HS2ST1: variants seen among roughly 807,000 people sequenced by gnomAD.
The protein encoded by HS2ST1 is heparan sulfate 2-O-sulfotransferase 1, also known as 2-O-sulfotransferase.
A neutral mutation model predicts 42.9 loss-of-function variants in HS2ST1; 18 were observed. The ratio of observed to expected loss-of-function variants is 0.42; its 90% confidence interval spans 0.29 to 0.62. The LOEUF is 0.62. Among genes scored for constraint, HS2ST1 ranks in the 20% least tolerant of loss-of-function variants. HS2ST1 has a pLI of 0.21. For missense variants in HS2ST1, 334 were observed against 433.8 expected (o/e 0.77, Z 2.04); for synonymous variants, 146 against 152.9 (o/e 0.95, Z 0.33).
At chr1:86,965,535 A>G (rs1197014766) in intron 1 of HS2ST1, among the ~76,000 whole-genome samples, 2 of 152,086 alleles carry the variant, frequency 1.3e-5, no homozygotes, top group African/African-American at 4.8e-5. Flanking sequence ...GTGGTTCTCA[A>G]GCCTGGCTGC....
chr1:87,044,998 T>C, intron 1 of HS2ST1: 1 of 1,577,602 alleles, frequency 6.3e-7, no homozygotes, highest in South Asian at 1.1e-5. Flanking sequence ...GCACTGAGAT[T>C]CTCTTTCTCG....
At chr1:87,097,265 A>G (rs1252381636) in intron 4 of HS2ST1, among the ~76,000 whole-genome samples, 1 of 152,236 alleles carries the variant, frequency 6.6e-6, no homozygotes, top group East Asian at 1.9e-4. Context: ...CACATAACAC[A>G]TTTAAAAAGC....
At chr1:86,948,125 CA>C (rs11327026) in intron 1 of HS2ST1, among the ~76,000 whole-genome samples, 45,587 of 146,892 alleles carry the variant, frequency 0.31, 9,110 homozygotes, top group African/African-American at 0.58. Context: ...GCTCCAGAAA[CA>C]AAAAAAAAAC....
intron 1 of HS2ST1, among the ~76,000 whole-genome samples, chr1:86,988,842 A>C (rs1648864265): frequency 6.6e-6 from 1 of 152,266 alleles, no homozygotes; most frequent in Non-Finnish European, 1.5e-5. Flanking sequence ...TTGGCTAATC[A>C]AATTAATGAT....
At chr1:87,027,711 A>G (rs958233657) in intron 1 of HS2ST1, among the ~76,000 whole-genome samples, 1 of 152,058 alleles carries the variant, frequency 6.6e-6, no homozygotes, top group African/African-American at 2.4e-5. Flanking sequence ...TTTTTTTGAG[A>G]CAGGGTCTCA....
chr1:87,080,584 C>CA (rs545515429), intron 2 of HS2ST1, among the ~76,000 whole-genome samples: 35 of 152,162 alleles, frequency 2.3e-4, no homozygotes, highest in Middle Eastern at 3.4e-3. Context: ...ACTATCCACA[C>CA]AAAAAAGCAC....
intron 1 of HS2ST1, among the ~76,000 whole-genome samples, chr1:87,052,029 A>G (rs1250873736): frequency 6.6e-6 from 1 of 152,130 alleles, no homozygotes; most frequent in African/African-American, 2.4e-5. Context: ...GAGGTGGGCT[A>G]ATCGCTTGAG....
chr1:86,985,457 CATATATACACATATATACACAT>C (rs1557504852), intron 1 of HS2ST1, among the ~76,000 whole-genome samples: 3 of 103,092 alleles, frequency 2.9e-5, no homozygotes, highest in African/African-American at 1.1e-4. Context: ...TATATACACA[CATATATACACATATATACACAT>C]ATATACACAT....
intron 1 of HS2ST1, among the ~76,000 whole-genome samples, chr1:86,935,704 T>A (rs1445239798): frequency 6.6e-6 from 1 of 152,098 alleles, no homozygotes; most frequent in Non-Finnish European, 1.5e-5. Flanking sequence ...CCTCAAGTGA[T>A]CTGCGCACCT....
intron 1 of HS2ST1, among the ~76,000 whole-genome samples, chr1:87,002,361 G>C (rs1185087230): frequency 6.6e-6 from 1 of 152,146 alleles, no homozygotes; most frequent in Non-Finnish European, 1.5e-5. Flanking sequence ...GGGAGGCCAA[G>C]GCTTGCAGAT....
At chr1:86,955,929 A>T (rs1015013223) in intron 1 of HS2ST1, among the ~76,000 whole-genome samples, 5 of 152,248 alleles carry the variant, frequency 3.3e-5, no homozygotes, top group African/African-American at 1.2e-4. Flanking sequence ...GTGGAGGTTG[A>T]ACTGAGCTGT....
intron 1 of HS2ST1, among the ~76,000 whole-genome samples, chr1:87,057,129 T>G (rs1041599018): frequency 6.6e-6 from 1 of 152,258 alleles, no homozygotes; most frequent in African/African-American, 2.4e-5. Context: ...TAAATTTTTT[T>G]GCTTTTGGAA....
At chr1:87,005,725 A>C (rs915788223) in intron 1 of HS2ST1, among the ~76,000 whole-genome samples, 2 of 152,218 alleles carry the variant, frequency 1.3e-5, no homozygotes, top group African/African-American at 4.8e-5. Context: ...AATTATAATT[A>C]CATAGTGAAA....
chr1:86,925,722 A>C (rs1370048550), intron 1 of HS2ST1, among the ~76,000 whole-genome samples: 1 of 152,228 alleles, frequency 6.6e-6, no homozygotes, highest in African/African-American at 2.4e-5. Flanking sequence ...TGAATTCAAC[A>C]TGAGATTTGG....
chr1:86,982,660 G>A (rs1473322488), intron 1 of HS2ST1, among the ~76,000 whole-genome samples: 1 of 151,938 alleles, frequency 6.6e-6, no homozygotes. Flanking sequence ...GACTACAAGC[G>A]CCCACCACCA....
intron 1 of HS2ST1, among the ~76,000 whole-genome samples, chr1:86,987,878 G>C (rs924548431): frequency 2.6e-5 from 4 of 152,178 alleles, no homozygotes; most frequent in Admixed American, 2.6e-4. Context: ...ACTGACACCA[G>C]ATATTGTAAG....
intron 1 of HS2ST1, among the ~76,000 whole-genome samples, chr1:87,040,025 A>G (rs1650480289): frequency 6.6e-6 from 1 of 152,218 alleles, no homozygotes; most frequent in Admixed American, 6.5e-5. Context: ...ATTAGAAAAG[A>G]AGATTAAGAA....
At chr1:86,931,687 G>A (rs1484196597) in intron 1 of HS2ST1, among the ~76,000 whole-genome samples, 1 of 152,040 alleles carries the variant, frequency 6.6e-6, no homozygotes, top group African/African-American at 2.4e-5. Context: ...GGCTTTGATT[G>A]TAAGTTCAAG....
intron 1 of HS2ST1, among the ~76,000 whole-genome samples, chr1:87,005,802 C>T (rs576257756): frequency 1.6e-4 from 25 of 152,132 alleles, no homozygotes; most frequent in East Asian, 9.6e-4. Context: ...TTGAAGGATT[C>T]GCCTATGATA....
Sources: allele counts gnomAD v4.1 joint callset (sites outside exome capture counted in the v4.1 genomes callset), GRCh38; gene constraint gnomAD v4.1.1; transcripts MANE v1.5; gene names NCBI Gene and HGNC (gene_info 2026-07-23, HGNC 2026-07-21).